The following EGLN1 variants were observed in gnomAD, a reference collection of about 807,000 sequenced individuals.
The protein encoded by EGLN1 is egl-9 family hypoxia inducible factor 1.
A neutral mutation model predicts 38.3 loss-of-function variants in EGLN1; 17 were observed. The observed-to-expected ratio is 0.44, with a 90% CI of 0.30 to 0.67. EGLN1 has a LOEUF of 0.67. Among genes scored for constraint, EGLN1 ranks in the 30% least tolerant of loss-of-function variants. The pLI is 0.08. For synonymous variants in EGLN1, 283 were observed against 257.5 expected, an observed-to-expected ratio of 1.10 and a Z score of -0.95; for missense variants, 477 against 603.3, an observed-to-expected ratio of 0.79 and a Z score of 2.19.
chr1:231,393,135 C>T (rs927959883), intron 1 of EGLN1, among the ~76,000 whole-genome samples: 4 of 151,626 alleles, frequency 2.6e-5, no homozygotes, highest in Non-Finnish European at 5.9e-5. Context: ...TATCAGGGAG[C>T]TTACAAGAGA....
chr1:231,400,272 T>C (rs553443701), intron 1 of EGLN1, among the ~76,000 whole-genome samples: 37 of 149,880 alleles, frequency 2.5e-4, no homozygotes, highest in African/African-American at 8.3e-4. Context: ...AAATTGTCTT[T>C]AAATTTTTTA....
At chr1:231,401,611 T>C (rs1558391597) in intron 1 of EGLN1, among the ~76,000 whole-genome samples, 1 of 152,188 alleles carries the variant, frequency 6.6e-6, no homozygotes, top group Non-Finnish European at 1.5e-5. Context: ...AATTTTTAAC[T>C]CAGCATGATG....
chr1:231,369,461 G>A, intron 3 of EGLN1: 1 of 456,800 alleles, frequency 2.2e-6, no homozygotes, highest in Non-Finnish European at 2.9e-6. Context: ...GCAGCAGGGG[G>A]CAGAGACAGC....
intron 1 of EGLN1, among the ~76,000 whole-genome samples, chr1:231,397,026 G>T (rs1383276136): frequency 6.6e-6 from 1 of 152,012 alleles, no homozygotes; most frequent in Non-Finnish European, 1.5e-5. Context: ...CTCCAGAATT[G>T]CCATGCCCTT....
rs1336467870 is a variant in EGLN1 at position 231,421,244 on chromosome 1, G to A, written c.645C>T (p.Gly215=). 3 of 1,613,872 alleles carry A rather than the reference G, an allele frequency of 1.9e-6. No individual in the cohort carries two copies. Among genetic ancestry groups the A allele is most frequent in the South Asian group, 1.1e-5 (1 of 91,080 alleles). ...CGCCGATCTGCTGTCCGGTCTCCTTGCCGAGGAAGTCGTCCACCACACAGA... is the reference window on the plus strand; with the variant it reads ...CGCCGATCTGCTGTCCGGTCTCCTTACCGAGGAAGTCGTCCACCACACAGA... The part of the protein sequence containing the change: ...HGICVVDDFL[G]KETGQQIGDE... Residue 215 remains glycine, a synonymous_variant, in exon 1 of 5, where the codon GGC becomes GGT. Coordinates refer to ENST00000366641, the MANE Select transcript of EGLN1 (RefSeq NM_022051.3). The surrounding 1 kb of genome is among the most constrained non-coding windows in gnomAD (Gnocchi z 5.5).
chr1:231,421,216 C>T lies in EGLN1; in HGVS notation c.673G>A (p.Glu225Lys). The change falls in exon 1 of 5, where the codon GAG becomes AAG. Residue 225 changes from glutamate to lysine, a missense_variant. Glu to Lys is a moderately conservative substitution (Grantham distance 56). Coordinates refer to ENST00000366641, the MANE Select transcript of EGLN1 (RefSeq NM_022051.3). The surrounding 1 kb of genome is among the most constrained non-coding windows in gnomAD (Gnocchi z 5.5). ...GKETGQQIGD[E>K]VRALHDTGKF... is the part of the protein sequence containing the mutation. ...CCGGTGTCGTGCAGGGCGCGCACCT[C>T]GTCGCCGATCTGCTGTCCGGTCTCC... 6.2e-7 allele frequency: 1 copy of T among 1,614,024 alleles called. No homozygotes were observed. Among genetic ancestry groups the T allele is most frequent in the Non-Finnish European group, 8.5e-7 (1 of 1,180,038 alleles).
At chr1:231,416,427 A>T (rs1689084277) in intron 1 of EGLN1, among the ~76,000 whole-genome samples, 1 of 142,780 alleles carries the variant, frequency 7.0e-6, no homozygotes, top group African/African-American at 2.7e-5. Flanking sequence ...ACATACATAC[A>T]AAAAAAAAAT....
intron 1 of EGLN1, among the ~76,000 whole-genome samples, chr1:231,376,412 T>C (rs764721087): frequency 1.3e-5 from 2 of 152,220 alleles, no homozygotes; most frequent in Non-Finnish European, 2.9e-5. Flanking sequence ...GGAAACCTTA[T>C]TTTATTTAAT....
chr1:231,394,947 C>G (rs1688483964), intron 1 of EGLN1, among the ~76,000 whole-genome samples: 1 of 152,168 alleles, frequency 6.6e-6, no homozygotes, highest in African/African-American at 2.4e-5. Context: ...TATAGTGCCT[C>G]TGAAATTTTA....
intron 1 of EGLN1, among the ~76,000 whole-genome samples, chr1:231,399,319 G>A (rs1002608270): frequency 6.6e-6 from 1 of 152,166 alleles, no homozygotes; most frequent in African/African-American, 2.4e-5. Flanking sequence ...ATCTAAGTTT[G>A]GAAAGGATTG....
Position 231,421,576 on chromosome 1 carries a change from C to T in EGLN1, c.313G>A (p.Gly105Arg). The T allele has an allele frequency of 2.3e-6, 3 of 1,312,528 alleles. No homozygotes were observed. The highest frequency in any genetic ancestry group is 4.8e-5 in the South Asian group (2 of 41,506). 81.3% of individuals were successfully genotyped at this position (1,312,528 alleles called of 1,614,324 possible). ...KAAARRDNAS[G>R]DAAKGKVKAK... is the part of the protein sequence containing the mutation. Reference sequence around the variant, plus strand: ...TTTACTTTTCCCTTGGCCGCGTCCCCGGAGGCGTTGTCCCGGCGCGCCGCT... The same window carrying T: ...TTTACTTTTCCCTTGGCCGCGTCCCTGGAGGCGTTGTCCCGGCGCGCCGCT... Residue 105 changes from glycine (G) to arginine (R), a missense_variant, in exon 1 of 5, where the codon GGG (glycine) becomes AGG (arginine). Gly to Arg is a moderately radical substitution (Grantham distance 125). Transcript: ENST00000366641. The surrounding 1 kb of genome is among the most constrained non-coding windows in gnomAD (Gnocchi z 5.5).
At chr1:231,389,853 C>G (rs2474627) in intron 1 of EGLN1, among the ~76,000 whole-genome samples, 82,940 of 152,034 alleles carry the variant, frequency 0.55, 24,243 homozygotes, top group Non-Finnish European at 0.65. Flanking sequence ...GAGGCTGAGG[C>G]AGGAGGATCA....
At chr1:231,401,572 A>G (rs1379468170) in intron 1 of EGLN1, among the ~76,000 whole-genome samples, 2 of 121,716 alleles carry the variant, frequency 1.6e-5, no homozygotes, top group African/African-American at 2.6e-5. Flanking sequence ...ACAAACTTCA[A>G]CCATGAAGAG....
At chr1:231,391,465 CTGCT>C (rs1688385116) in intron 1 of EGLN1, among the ~76,000 whole-genome samples, 1 of 101,788 alleles carries the variant, frequency 9.8e-6, no homozygotes, top group South Asian at 3.2e-4. Flanking sequence ...CAATCCTGCA[CTGCT>C]TCCTTTATGA....
chr1:231,368,650 T>A (rs941767202), intron 3 of EGLN1, among the ~76,000 whole-genome samples: 1 of 152,188 alleles, frequency 6.6e-6, no homozygotes, highest in Non-Finnish European at 1.5e-5. Context: ...AATATAGCAA[T>A]TAGTTCAAAT....
intron 1 of EGLN1, among the ~76,000 whole-genome samples, chr1:231,408,700 G>C (rs1196058651): frequency 6.6e-6 from 1 of 152,114 alleles, no homozygotes; most frequent in Non-Finnish European, 1.5e-5. Context: ...GCCTCAAGTG[G>C]CTCACTATAG....
At chr1:231,418,608 A>T (rs1204371033) in intron 1 of EGLN1, among the ~76,000 whole-genome samples, 2 of 152,166 alleles carry the variant, frequency 1.3e-5, no homozygotes, top group Non-Finnish European at 2.9e-5. Flanking sequence ...TCAAGTCTGT[A>T]ACCACAGTAC....
At chr1:231,418,341 A>G (rs567188851) in intron 1 of EGLN1, among the ~76,000 whole-genome samples, 6 of 152,360 alleles carry the variant, frequency 3.9e-5, no homozygotes, top group Admixed American at 1.3e-4. Flanking sequence ...ACCCACTTTC[A>G]ACAAAATATA....
intron 1 of EGLN1, among the ~76,000 whole-genome samples, chr1:231,401,250 A>T (rs1007000921): frequency 6.6e-6 from 1 of 152,176 alleles, no homozygotes; most frequent in African/African-American, 2.4e-5. Flanking sequence ...ACAAGTTTTT[A>T]AATCTCTCTG....
Sources: allele counts gnomAD v4.1 joint callset (sites outside exome capture counted in the v4.1 genomes callset), GRCh38; gene constraint gnomAD v4.1.1; non-coding constraint Gnocchi (gnomAD v3.1); transcripts MANE v1.5; gene names NCBI Gene and HGNC (gene_info 2026-07-23, HGNC 2026-07-21).